The following RBFOX1 variants were observed in gnomAD, a reference collection of about 807,000 sequenced individuals.
RBFOX1 encodes RNA binding protein fox-1 homolog 1.
RBFOX1 carries 8 observed loss-of-function variants against 57.7 expected under a neutral mutation model. The ratio of observed to expected loss-of-function variants is 0.14; its 90% CI spans 0.08 to 0.25. The LOEUF (loss-of-function observed/expected upper bound fraction) is 0.25. Ranked by LOEUF, RBFOX1 falls within the 10% of genes least tolerant of loss-of-function variation. RBFOX1 has a pLI of 1.00. For synonymous variants in RBFOX1, 326 were observed against 222.4 expected (o/e 1.47, Z -4.15); for missense variants, 611 against 548.5 (o/e 1.11, Z -1.14).
chr16:7,322,805 C>T (rs1338226055), intron 4 of RBFOX1, among the ~76,000 whole-genome samples: 1 of 152,156 alleles, frequency 6.6e-6, no homozygotes, highest in Non-Finnish European at 1.5e-5. Context: ...AAAGGGCAAC[C>T]TAATAATCTC....
At chr16:6,616,229 C>G (rs2098139050) in intron 2 of RBFOX1, among the ~76,000 whole-genome samples, 1 of 152,180 alleles carries the variant, frequency 6.6e-6, no homozygotes, top group Admixed American at 6.5e-5. Context: ...AAATGAATGT[C>G]TGTGCTCATA....
chr16:7,171,112 C>G (rs1287742075), intron 4 of RBFOX1, among the ~76,000 whole-genome samples: 1 of 152,220 alleles, frequency 6.6e-6, no homozygotes, highest in Non-Finnish European at 1.5e-5. Flanking sequence ...CCCAAACCCT[C>G]TCCCTATGTC....
intron 4 of RBFOX1, among the ~76,000 whole-genome samples, chr16:5,943,584 C>G (rs1440546941): frequency 6.6e-6 from 1 of 152,182 alleles, no homozygotes; most frequent in Non-Finnish European, 1.5e-5. Flanking sequence ...ATGTCACTAA[C>G]TCTTTGGGTC....
At chr16:7,405,460 C>G (rs1482096964) in intron 4 of RBFOX1, among the ~76,000 whole-genome samples, 1 of 152,194 alleles carries the variant, frequency 6.6e-6, no homozygotes, top group African/African-American at 2.4e-5. Flanking sequence ...GTGTTCCCAG[C>G]TGCTCTGGAA....
At chr16:7,161,395 A>C (rs989506664) in intron 4 of RBFOX1, among the ~76,000 whole-genome samples, 35 of 152,336 alleles carry the variant, frequency 2.3e-4, no homozygotes, top group Admixed American at 1.4e-3. Flanking sequence ...TGCTAAATAC[A>C]CATTATACCT....
At chr16:6,825,707 G>A (rs917402223) in intron 3 of RBFOX1, among the ~76,000 whole-genome samples, 1 of 152,102 alleles carries the variant, frequency 6.6e-6, no homozygotes, top group Non-Finnish European at 1.5e-5. Context: ...AGTAGCAGAT[G>A]AAGAGGAAAG....
chr16:6,979,592 G>A (rs2088104977), intron 3 of RBFOX1, among the ~76,000 whole-genome samples: 1 of 152,172 alleles, frequency 6.6e-6, no homozygotes, highest in Non-Finnish European at 1.5e-5. Flanking sequence ...GCACAGTACA[G>A]GGGTGTGACT....
intron 1 of RBFOX1, among the ~76,000 whole-genome samples, chr16:5,394,960 T>G (rs553502852): frequency 3.1e-4 from 47 of 152,288 alleles, no homozygotes; most frequent in African/African-American, 1.1e-3. Flanking sequence ...TCCTGAAGCT[T>G]AATCTGATGG....
chr16:6,944,782 C>T (rs867718759), intron 3 of RBFOX1, among the ~76,000 whole-genome samples: 6 of 152,138 alleles, frequency 3.9e-5, no homozygotes, highest in Middle Eastern at 3.2e-3. Flanking sequence ...GGGTGTATCT[C>T]ATCTATGCCA....
chr16:6,696,861 G>A (rs909072315), intron 3 of RBFOX1, among the ~76,000 whole-genome samples: 8 of 152,174 alleles, frequency 5.3e-5, no homozygotes, highest in Non-Finnish European at 5.9e-5. Context: ...CTGAGAAATA[G>A]TATTTTGTCT....
chr16:6,946,422 C>G (rs971943702), intron 3 of RBFOX1, among the ~76,000 whole-genome samples: 6 of 152,164 alleles, frequency 3.9e-5, no homozygotes, highest in South Asian at 2.1e-4. Context: ...TGCCTGAGTT[C>G]TGTGATGAAA....
intron 2 of RBFOX1, among the ~76,000 whole-genome samples, chr16:6,634,972 T>C (rs1406236166): frequency 7.1e-6 from 1 of 141,672 alleles, no homozygotes; most frequent in Non-Finnish European, 1.5e-5. Flanking sequence ...ACATATATTA[T>C]ACATGTTTTA....
chr16:6,673,799 G>C (rs1032658646), intron 3 of RBFOX1, among the ~76,000 whole-genome samples: 1 of 152,120 alleles, frequency 6.6e-6, no homozygotes, highest in African/African-American at 2.4e-5. Flanking sequence ...CAAAAAGGCA[G>C]GTGTACATTT....
intron 3 of RBFOX1, among the ~76,000 whole-genome samples, chr16:5,729,883 C>T (rs548649198): frequency 1.8e-4 from 28 of 152,246 alleles, no homozygotes; most frequent in South Asian, 4.2e-4. Flanking sequence ...ATCCTAGCCC[C>T]GAGAGCTGCA....
intron 3 of RBFOX1, chr16:5,610,736 C>G (rs543378566): frequency 1.2e-4 from 18 of 151,968 alleles, no homozygotes; most frequent in African/African-American, 4.1e-4. Flanking sequence ...GGCGTGGTAG[C>G]ACATGTCTTC....
chr16:7,066,838 C>A (rs887011671), intron 4 of RBFOX1, among the ~76,000 whole-genome samples: 2 of 152,088 alleles, frequency 1.3e-5, no homozygotes, highest in African/African-American at 4.8e-5. Flanking sequence ...CTCTGTCTTC[C>A]CAGCCAGTGA....
chr16:5,758,901 A>G (rs1432301921), intron 3 of RBFOX1, among the ~76,000 whole-genome samples: 1 of 151,964 alleles, frequency 6.6e-6, no homozygotes, highest in Non-Finnish European at 1.5e-5. Context: ...CATGAACTTG[A>G]CTCCACTTAC....
At position 5,535,246 on chromosome 16, in the gene RBFOX1, C is replaced by T. The variant is rs563214785; in HGVS notation, c.259-63656C>T. ...TGTGGCTAGTGTTTACTGCAATGAA[C>T]AGCTCATCAACTCCAAAATCTCACC... On this transcript the variant is annotated intron_variant, in intron 2 of 2. Transcript: ENST00000585867. Among the ~76,000 whole-genome samples, 9 of 152,272 alleles carry T rather than the reference C, an allele frequency of 5.9e-5. No individual in the cohort carries two copies. The East Asian group carries it at 1.5e-3, about 26-fold the overall frequency.
chr16:5,703,720 T>A (rs1265088738), intron 3 of RBFOX1, among the ~76,000 whole-genome samples: 1 of 152,150 alleles, frequency 6.6e-6, no homozygotes, highest in Non-Finnish European at 1.5e-5. Flanking sequence ...ATTGCATAAT[T>A]TTTTTACAAG....
Sources: allele counts gnomAD v4.1 joint callset (sites outside exome capture counted in the v4.1 genomes callset), GRCh38; gene constraint gnomAD v4.1.1; transcripts MANE v1.5; gene names NCBI Gene and HGNC (gene_info 2026-07-23, HGNC 2026-07-21).